Variants in CAMTA1 observed in about 807,000 individuals in gnomAD.
The protein encoded by CAMTA1 is calmodulin binding transcription activator 1.
In CAMTA1, 27 loss-of-function variants were observed where a neutral mutation model predicts 170.9. That is an observed-to-expected ratio of 0.16 (90% confidence interval 0.12 to 0.22). CAMTA1 has a LOEUF of 0.22. Ranked by LOEUF, CAMTA1 falls within the 10% of genes least tolerant of loss-of-function variation. CAMTA1 has a pLI of 1.00. For missense variants in CAMTA1, 1,619 were observed against 2,217.2 expected (o/e 0.73, Z 5.42); for synonymous variants, 833 against 891.5 (o/e 0.93, Z 1.17).
rs58953861 is a variant in CAMTA1 at position 7,031,001 on chromosome 1, A to ATTTT, written c.235-60280_235-60277dup. Among the ~76,000 whole-genome samples, 520 of 100,020 alleles carry ATTTT rather than the reference A, an allele frequency of 5.2e-3. 12 individuals carry two copies. The highest frequency in any genetic ancestry group is 0.021 in the African/African-American group (486 of 23,576). 65.6% of individuals were successfully genotyped at this position (100,020 alleles called of 152,430 possible). A position where few individuals can be genotyped will look rare whatever the true frequency, so the allele number is the denominator to read the frequency against. ...AGGCGCTCGCCACCATGCCCAGCTA[A>ATTTT]TTTTTTTTTTTTTTTTTTTTTTTTT... On this transcript the variant is annotated intron_variant, in intron 3 of 22. Transcript: ENST00000303635.
intron 5 of CAMTA1, among the ~76,000 whole-genome samples, chr1:7,358,645 C>G (rs926518962): frequency 6.6e-6 from 1 of 152,182 alleles, no homozygotes; most frequent in African/African-American, 2.4e-5. Flanking sequence ...AGGAATAAAT[C>G]TGAGGTGCTG....
At chr1:6,933,938 A>G (rs184685527) in intron 3 of CAMTA1, among the ~76,000 whole-genome samples, 1 of 152,228 alleles carries the variant, frequency 6.6e-6, no homozygotes. Flanking sequence ...TTCTTGTTCA[A>G]GTTGTTCTGG....
At chr1:7,334,668 C>T (rs12041403) in intron 5 of CAMTA1, among the ~76,000 whole-genome samples, 61,555 of 151,938 alleles carry the variant, frequency 0.41, 14,008 homozygotes, top group Admixed American at 0.51. Flanking sequence ...GCTACAGATA[C>T]GGTTTAAAAA....
intron 5 of CAMTA1, among the ~76,000 whole-genome samples, chr1:7,295,316 T>C (rs1316366832): frequency 6.6e-6 from 1 of 152,226 alleles, no homozygotes; most frequent in African/African-American, 2.4e-5. Context: ...CATCTCCATC[T>C]GTGATCTTTC....
intron 1 of CAMTA1, among the ~76,000 whole-genome samples, chr1:6,788,940 G>A (rs1368381632): frequency 6.6e-6 from 1 of 152,152 alleles, no homozygotes; most frequent in East Asian, 1.9e-4. Flanking sequence ...CAGACTAGAC[G>A]GGTTCTCTGA....
rs2096770958 is a variant in CAMTA1, at chr1:7,736,171, CTAGG to C, written c.3067-172_3067-169del. On this transcript the variant is annotated intron_variant, in intron 12 of 22. Coordinates refer to ENST00000303635, the MANE Select transcript of CAMTA1 (RefSeq NM_015215.4). This position sits in a 1 kb window ranked among gnomAD's most constrained non-coding sequence, Gnocchi z 4.5. ...CCTCCCACCTCGGCCTCCCAAAGTG[CTAGG>C]ATTTCAGGCATGATCCAGCATGCCC... Among the ~76,000 whole-genome samples, 1 of 152,166 alleles carries C rather than the reference CTAGG, an allele frequency of 6.6e-6. No homozygotes were observed. Among genetic ancestry groups the C allele is most frequent in the East Asian group, 1.9e-4 (1 of 5,196 alleles).
chr1:7,318,388 T>C (rs1227924859), intron 5 of CAMTA1, among the ~76,000 whole-genome samples: 1 of 152,200 alleles, frequency 6.6e-6, no homozygotes, highest in Non-Finnish European at 1.5e-5. Context: ...GAATAAAATA[T>C]AGCACTGGAC....
chr1:7,137,144 A>G (rs550753731), intron 4 of CAMTA1, among the ~76,000 whole-genome samples: 2 of 151,904 alleles, frequency 1.3e-5, no homozygotes, highest in South Asian at 2.1e-4. Flanking sequence ...GTCATCGTTT[A>G]TTGTATTTTT....
At chr1:7,424,785 G>A (rs1055054736) in intron 5 of CAMTA1, among the ~76,000 whole-genome samples, 3 of 152,078 alleles carry the variant, frequency 2.0e-5, no homozygotes, top group African/African-American at 7.2e-5. Context: ...TGGGTCCTTG[G>A]CCAAGTTCAA....
intron 3 of CAMTA1, among the ~76,000 whole-genome samples, chr1:6,837,138 A>G (rs1653581051): frequency 6.6e-6 from 1 of 151,900 alleles, no homozygotes; most frequent in Non-Finnish European, 1.5e-5. Flanking sequence ...GTATTTTTTT[A>G]GTAGAGATGG....
At chr1:7,304,080 G>A (rs1194913217) in intron 5 of CAMTA1, among the ~76,000 whole-genome samples, 6 of 150,188 alleles carry the variant, frequency 4.0e-5, no homozygotes, top group African/African-American at 1.5e-4. Flanking sequence ...GAGATGAAGA[G>A]TTATTGCTTA....
chr1:7,566,240 G>T (rs186646045), intron 6 of CAMTA1, among the ~76,000 whole-genome samples: 90 of 152,280 alleles, frequency 5.9e-4, no homozygotes, highest in Admixed American at 2.2e-3. Flanking sequence ...GGCACTCACT[G>T]TCCCTCTCTA....
intron 6 of CAMTA1, among the ~76,000 whole-genome samples, chr1:7,577,573 T>C (rs940303950): frequency 6.6e-6 from 1 of 151,860 alleles, no homozygotes; most frequent in East Asian, 1.9e-4. Context: ...TTTTTTTTTT[T>C]AAGCATTGAA....
Position 7,561,674 on chromosome 1 carries a change from T to TGC in CAMTA1, c.511-78725_511-78724dup, listed in dbSNP as rs1423645636. On this transcript the variant is annotated intron_variant, in intron 6 of 22. Transcript: ENST00000303635. This position sits in a 1 kb window ranked among gnomAD's most constrained non-coding sequence, Gnocchi z 5.3. ...AGGATCAGCAGGCAAGGCTCCATGA[T>TGC]GCCCGTCAGAGGCCACCCCTCCCCA... is the stretch of plus-strand genomic sequence containing the variant. 6.6e-6 allele frequency among the ~76,000 whole-genome samples: 1 copy of TGC among 151,980 alleles called. No individual in the cohort carries two copies. The highest frequency in any genetic ancestry group is 1.5e-5 in the Non-Finnish European group (1 of 67,986).
intron 4 of CAMTA1, among the ~76,000 whole-genome samples, chr1:7,114,352 G>A (rs1355195884): frequency 3.3e-5 from 5 of 151,882 alleles, no homozygotes; most frequent in Non-Finnish European, 7.4e-5. Flanking sequence ...CATAGACCAC[G>A]GGTGTCCAAT....
At chr1:7,203,067 A>T (rs1464694215) in intron 4 of CAMTA1, among the ~76,000 whole-genome samples, 2 of 152,198 alleles carry the variant, frequency 1.3e-5, no homozygotes, top group African/African-American at 2.4e-5. Context: ...GTGTTTAGGC[A>T]TGAGGATTTA....
chr1:7,459,171 G>A (rs950324774), intron 5 of CAMTA1, among the ~76,000 whole-genome samples: 4 of 152,176 alleles, frequency 2.6e-5, no homozygotes, highest in African/African-American at 4.8e-5. Flanking sequence ...AGGGCTTTGC[G>A]GTCAGATGAC....
chr1:7,392,081 A>G (rs907463075), intron 5 of CAMTA1, among the ~76,000 whole-genome samples: 1 of 152,176 alleles, frequency 6.6e-6, no homozygotes, highest in African/African-American at 2.4e-5. Context: ...AAACTACCCA[A>G]CTGTGTTCCA....
chr1:7,659,200 C>T (rs1004910167), intron 7 of CAMTA1, among the ~76,000 whole-genome samples: 1 of 152,230 alleles, frequency 6.6e-6, no homozygotes, highest in African/African-American at 2.4e-5. Flanking sequence ...GAAGGTATTC[C>T]TGCCAGATCC....
Sources: allele counts gnomAD v4.1 joint callset (sites outside exome capture counted in the v4.1 genomes callset), GRCh38; gene constraint gnomAD v4.1.1; non-coding constraint Gnocchi (gnomAD v3.1); transcripts MANE v1.5; gene names NCBI Gene and HGNC (gene_info 2026-07-23, HGNC 2026-07-21).